KLRC1: variants seen among roughly 807,000 people sequenced by gnomAD.
The protein encoded by KLRC1 is NKG2-A/NKG2-B type II integral membrane protein.
A neutral mutation model predicts 25.9 loss-of-function variants in KLRC1; 22 were observed. That is an observed-to-expected ratio of 0.85 (90% confidence interval 0.61 to 1.21). The LOEUF (loss-of-function observed/expected upper bound fraction) is 1.21. KLRC1 is among the 50% of genes most tolerant of loss of function. The pLI is 0.00. For missense variants in KLRC1, 240 were observed against 272.2 expected (o/e 0.88, Z 0.83); for synonymous variants, 77 against 93.1 (o/e 0.83, Z 0.99).
Position 10,446,465 on chromosome 12 carries a change from T to C in KLRC1, c.*86A>G. 6.8e-7 allele frequency: 1 copy of C among 1,468,472 alleles called. No homozygotes were observed. Among genetic ancestry groups the C allele is most frequent in the Non-Finnish European group, 9.1e-7 (1 of 1,100,686 alleles). The allele number at this position is 1,468,472 out of a possible 1,614,324, so 91.0% of individuals were successfully genotyped here. A position where few individuals can be genotyped will look rare whatever the true frequency, so the allele number is the denominator to read the frequency against. ...TTATTAGAGCAAATAACATAATTCA[T>C]TTTAAGATTTATGCAATCATAATAT... is the stretch of plus-strand genomic sequence containing the variant. On this transcript the variant is annotated 3_prime_UTR_variant, in exon 7 of 7. Transcript: ENST00000359151.
upstream of KLRC1, chr12:10,454,616 C>T (rs1201768251): frequency 3.0e-6 from 3 of 985,200 alleles, no homozygotes; most frequent in East Asian, 2.3e-4. Flanking sequence ...CTGGGGCATG[C>T]TTGCTGACCT....
chr12:10,444,044 T>C (rs548698858), downstream of KLRC1, among the ~76,000 whole-genome samples: 1 of 135,322 alleles, frequency 7.4e-6, no homozygotes, highest in African/African-American at 3.0e-5. Context: ...ATGGGTGAAA[T>C]AAATTATCAA....
At position 10,450,598 on chromosome 12, in the gene KLRC1, G is replaced by GA; in HGVS notation, c.188-20dup. The GA allele has an allele frequency of 2.0e-6, 3 of 1,471,286 alleles. No individual in the cohort carries two copies. The highest frequency in any genetic ancestry group is 2.9e-6 in the Non-Finnish European group (3 of 1,050,470). The allele number at this position is 1,471,286 out of a possible 1,614,324, so 91.1% of individuals were successfully genotyped here. ...GGTAAATCTGCAGGGAGAGAAATGGGAACAGTGCGAAAGGAGAGGTGGATA... is the reference window on the plus strand; with the variant it reads ...GGTAAATCTGCAGGGAGAGAAATGGGAAACAGTGCGAAAGGAGAGGTGGATA... On this transcript the variant is annotated intron_variant, in intron 2 of 6. Coordinates refer to ENST00000359151, the MANE Select transcript of KLRC1 (RefSeq NM_002259.5).
In KLRC1 at chr12:10,450,589, G is replaced by C. The variant is rs1864102081; in HGVS notation, c.188-10C>G. 1.9e-6 allele frequency: 3 copies of C among 1,546,146 alleles called. No homozygotes were observed. In the East Asian group the frequency reaches 6.7e-5, roughly 35 times the overall value. Reference sequence around the variant, plus strand: ...GGAGCTGATGGTAAATCTGCAGGGAGAGAAATGGGAACAGTGCGAAAGGAG... The same window carrying C: ...GGAGCTGATGGTAAATCTGCAGGGACAGAAATGGGAACAGTGCGAAAGGAG... On this transcript the variant is annotated splice_polypyrimidine_tract_variant and intron_variant, in intron 2 of 6. Coordinates refer to ENST00000359151, the MANE Select transcript of KLRC1 (RefSeq NM_002259.5).
chr12:10,450,970 C>A lies in KLRC1; in HGVS notation c.187G>T (p.Asp63Tyr). The A allele has an allele frequency of 6.2e-7, 1 of 1,605,772 alleles. No homozygotes were observed. Among genetic ancestry groups the A allele is most frequent in the African/African-American group, 1.3e-5 (1 of 74,760 alleles). ...ATTGAGGATCTTTTAAATGCTTTAC[C>A]TTTGCAGTGATAGGTTTTGTCATTC... is the stretch of plus-strand genomic sequence containing the variant. ...QGNDKTYHCK[D>Y]LPSAPEKLIV... Residue 63 changes from aspartate to tyrosine, a missense_variant and splice_region_variant, in exon 2 of 7, where the codon GAT (aspartate) becomes TAT (tyrosine). By Grantham distance (160) the Asp-to-Tyr change is radical. Coordinates refer to ENST00000359151, the MANE Select transcript of KLRC1 (RefSeq NM_002259.5).
At chr12:10,449,497 C>T in intron 4 of KLRC1, 109 bp from the exon 5 acceptor site, 2 of 1,507,592 alleles carry the variant, frequency 1.3e-6, no homozygotes, top group Non-Finnish European at 1.8e-6. Flanking sequence ...CATATCTATA[C>T]ATCTTCATGG....
At chr12:10,450,659 A>G (rs1723981383) in intron 2 of KLRC1, 80 bp from the exon 3 acceptor site, 1 of 855,422 alleles carries the variant, frequency 1.2e-6, no homozygotes, top group Admixed American at 2.1e-5. Flanking sequence ...AGAGAACCTG[A>G]ATGCACAGGA....
At chr12:10,443,991 A>G (rs1429761716), downstream of KLRC1, among the ~76,000 whole-genome samples, 24 of 135,612 alleles carry the variant, frequency 1.8e-4, 2 homozygotes, top group East Asian at 3.7e-3. Flanking sequence ...AAATCTGACA[A>G]CCTCAATGGT....
Position 10,450,493 on chromosome 12 carries a change from C to A in KLRC1, c.274G>T (p.Val92Phe). The A allele has an allele frequency of 6.3e-7, 1 of 1,590,344 alleles. No homozygotes were observed. Among genetic ancestry groups the A allele is most frequent in the Non-Finnish European group, 8.6e-7 (1 of 1,159,220 alleles). ...TCGAAAATAGACTTACAGGGAATAA[C>A]AACTATCGTTACCACAGAGGCCATT... ...ILMASVVTIV[V>F]IPSTLIQRHN... is the part of the protein sequence containing the mutation. The change falls in exon 3 of 7, where the codon GTT becomes TTT. Residue 92 changes from valine (V) to phenylalanine (F), a missense_variant. Physicochemically the swap from Val to Phe is conservative, Grantham distance 50. Coordinates refer to ENST00000359151, the MANE Select transcript of KLRC1 (RefSeq NM_002259.5).
In KLRC1 at chr12:10,451,664, A is replaced by C. The variant is rs549980297; in HGVS notation, c.-31-477T>G. On this transcript the variant is annotated intron_variant, in intron 1 of 6. Coordinates refer to ENST00000359151, the MANE Select transcript of KLRC1 (RefSeq NM_002259.5). Reference sequence around the variant, plus strand: ...GAGTGAGACTCCGACTCAAAAAAAAAAGATAAATTTTCTGCATTTGACAAA... The same window carrying C: ...GAGTGAGACTCCGACTCAAAAAAAACAGATAAATTTTCTGCATTTGACAAA... Among the ~76,000 whole-genome samples the C allele has an allele frequency of 1.1e-4, 17 of 152,144 alleles. No homozygotes were observed. The East Asian group carries it at 2.5e-3, about 22-fold the overall frequency.
upstream of KLRC1, among the ~76,000 whole-genome samples, chr12:10,453,702 T>C (rs1864165512): frequency 6.6e-6 from 1 of 152,182 alleles, no homozygotes; most frequent in Non-Finnish European, 1.5e-5. Flanking sequence ...TCCATTATAA[T>C]AGAAAACATT....
intron 2 of KLRC1, 40 bp from the exon 3 acceptor site, chr12:10,450,619 G>C (rs755675812): frequency 8.0e-7 from 1 of 1,246,986 alleles, no homozygotes. Context: ...AAGGAGAGGT[G>C]GATACAGTCG....
chr12:10,445,614 T>C (rs1208928526), downstream of KLRC1, among the ~76,000 whole-genome samples: 18 of 152,064 alleles, frequency 1.2e-4, no homozygotes, highest in Non-Finnish European at 2.1e-4. Context: ...TTATAGCATA[T>C]AGATTAAAAA....
downstream of KLRC1, among the ~76,000 whole-genome samples, chr12:10,444,024 C>T (rs7967864): frequency 0.12 from 15,678 of 129,084 alleles, 3,745 homozygotes; most frequent in African/African-American, 0.39. Flanking sequence ...AATATATATC[C>T]AAATAACATA....
upstream of KLRC1, chr12:10,453,447 A>T (rs1864161966): frequency 7.9e-6 from 6 of 764,242 alleles, no homozygotes; most frequent in Non-Finnish European, 9.5e-6. Flanking sequence ...GCTATTGTGA[A>T]ATCAGTTTTA....
intron 6 of KLRC1, 151 bp from the exon 7 acceptor site, chr12:10,446,813 C>A: frequency 9.5e-7 from 1 of 1,050,160 alleles, no homozygotes; most frequent in Admixed American, 2.2e-5. Context: ...TCTGAACACT[C>A]AACAGAGTAG....
chr12:10,451,195 A>C lies in KLRC1; in HGVS notation c.-31-8T>G. On this transcript the variant is annotated splice_region_variant and splice_polypyrimidine_tract_variant and intron_variant, in intron 1 of 6. Coordinates refer to ENST00000359151, the MANE Select transcript of KLRC1 (RefSeq NM_002259.5). The stretch of plus-strand genomic sequence containing the variant: ...GATGTCAGGGACTGTACTCTATAAT[A>C]ACAGTAGTTAAGAAGTTAATAAATG... 3 of 1,508,818 alleles carry C rather than the reference A, an allele frequency of 2.0e-6. No homozygotes were observed. Among genetic ancestry groups the C allele is most frequent in the Non-Finnish European group, 2.7e-6 (3 of 1,123,670 alleles). The allele number at this position is 1,508,818 out of a possible 1,614,324, so 93.5% of individuals were successfully genotyped here. A position where few individuals can be genotyped will look rare whatever the true frequency, so the allele number is the denominator to read the frequency against.
At position 10,450,617 on chromosome 12, in the gene KLRC1, G is replaced by T. The variant is rs766946406; in HGVS notation, c.188-38C>A. On this transcript the variant is annotated intron_variant, in intron 2 of 6. Coordinates refer to ENST00000359151, the MANE Select transcript of KLRC1 (RefSeq NM_002259.5). ...AAATGGGAACAGTGCGAAAGGAGAG[G>T]TGGATACAGTCGTTTAGAAGATTCA... The T allele has an allele frequency of 2.4e-6, 3 of 1,264,844 alleles. No homozygotes were observed. The East Asian group carries it at 6.9e-5, about 29-fold the overall frequency. The allele number at this position is 1,264,844 out of a possible 1,614,324, so 78.4% of individuals were successfully genotyped here.
chr12:10,445,887 A>G (rs562756314), downstream of KLRC1: 7 of 152,298 alleles, frequency 4.6e-5, no homozygotes, highest in South Asian at 1.4e-3. Context: ...AATACAAAAT[A>G]CAATAGAGAG....
Sources: allele counts gnomAD v4.1 joint callset (sites outside exome capture counted in the v4.1 genomes callset), GRCh38; gene constraint gnomAD v4.1.1; transcripts MANE v1.5; gene names NCBI Gene and HGNC (gene_info 2026-07-23, HGNC 2026-07-21).